Variants in ANK2 observed in about 807,000 individuals in gnomAD.
ANK2 encodes ankyrin 2.
Under a neutral mutation model 360.5 loss-of-function variants are expected in ANK2, and 83 were observed. The ratio of observed to expected loss-of-function variants is 0.23; its 90% CI spans 0.19 to 0.28. ANK2 has a LOEUF of 0.28. Among genes scored for constraint, ANK2 ranks in the 10% least tolerant of loss-of-function variants. The pLI, the probability that ANK2 is intolerant of heterozygous loss-of-function variation, is 1.00. For synonymous variants in ANK2, 1,740 were observed against 1,759.5 expected (o/e 0.99, Z 0.28); for missense variants, 4,201 against 4,795.7 (o/e 0.88, Z 3.66).
chr4:113,235,787 G>T (rs866748564), intron 5 of ANK2, among the ~76,000 whole-genome samples: 38 of 148,878 alleles, frequency 2.6e-4, no homozygotes, highest in African/African-American at 9.2e-4. Flanking sequence ...TGTCACCCAG[G>T]CTGGAGTGCA....
At chr4:113,204,303 T>C (rs1316467878) in intron 4 of ANK2, among the ~76,000 whole-genome samples, 1 of 152,148 alleles carries the variant, frequency 6.6e-6, no homozygotes, top group Non-Finnish European at 1.5e-5. Context: ...CTAGACACCA[T>C]CATCAAACAT....
intron 1 of ANK2, among the ~76,000 whole-genome samples, chr4:113,095,023 G>A (rs1044350008): frequency 6.6e-6 from 1 of 152,222 alleles, no homozygotes; most frequent in African/African-American, 2.4e-5. Context: ...AAAGATAAGA[G>A]CAATTTGCAC....
At chr4:113,203,937 T>C (rs2153425404) in intron 4 of ANK2, among the ~76,000 whole-genome samples, 1 of 152,284 alleles carries the variant, frequency 6.6e-6, no homozygotes, top group Admixed American at 6.5e-5. Flanking sequence ...GTAGAATCCA[T>C]GTAAAAGGTT....
intron 1 of ANK2, among the ~76,000 whole-genome samples, chr4:113,167,890 A>G (rs561043769): frequency 1.9e-4 from 29 of 152,308 alleles, no homozygotes; most frequent in African/African-American, 7.0e-4. Context: ...TTTGCTTAGC[A>G]TTATCTTTGT....
intron 2 of ANK2, among the ~76,000 whole-genome samples, chr4:113,184,770 A>T (rs368621364): frequency 1.3e-5 from 2 of 151,960 alleles, no homozygotes; most frequent in East Asian, 3.9e-4. Context: ...CAGGTTTGTT[A>T]TATAGGTATA....
intron 1 of ANK2, among the ~76,000 whole-genome samples, chr4:113,084,876 T>C (rs1360296708): frequency 1.3e-5 from 2 of 152,226 alleles, no homozygotes. Context: ...CATTTTAGCC[T>C]CTCAATGAGC....
At position 113,277,874 on chromosome 4, in the gene ANK2, G is replaced by C. The variant is rs2060802423; in HGVS notation, c.1721G>C (p.Gly574Ala). 3 of 1,613,940 alleles carry C rather than the reference G, an allele frequency of 1.9e-6. No individual in the cohort carries two copies. Among genetic ancestry groups the C allele is most frequent in the East Asian group, 2.2e-5 (1 of 44,894 alleles). Residue 574 changes from glycine to alanine, a missense_variant, in exon 16 of 46, where the codon GGA (glycine) becomes GCA (alanine). Gly to Ala is a moderately conservative substitution (Grantham distance 60). This residue lies in a region of ANK2 where 1,268 missense variants were observed against 1,650.8 expected (regional missense o/e 0.77). Transcript: ENST00000357077. Reference protein sequence around the residue: ...FTPLHVAAKYGSLDVAKLLLQ... With the variant: ...FTPLHVAAKYASLDVAKLLLQ... Reference sequence around the variant, plus strand: ...CCCCTGCATGTAGCAGCCAAGTATGGAAGCCTGGATGTGGCAAAACTTCTC... The same window carrying C: ...CCCCTGCATGTAGCAGCCAAGTATGCAAGCCTGGATGTGGCAAAACTTCTC...
chr4:112,974,932 TAGAA>T (rs2040858894), intron 2 of ANK2, among the ~76,000 whole-genome samples: 1 of 152,120 alleles, frequency 6.6e-6, no homozygotes, highest in Admixed American at 6.6e-5. Context: ...GAAAATGACA[TAGAA>T]AGGAATTTTT....
upstream of ANK2, among the ~76,000 whole-genome samples, chr4:113,045,472 T>A (rs1263865219): frequency 5.9e-5 from 9 of 152,222 alleles, no homozygotes; most frequent in Admixed American, 5.9e-4. Flanking sequence ...TCTTATTAAC[T>A]TTCTTACTTT....
the ANK2 span, among the ~76,000 whole-genome samples, chr4:112,764,088 G>C: frequency 6.6e-6 from 1 of 151,828 alleles, no homozygotes; most frequent in Admixed American, 6.6e-5. Flanking sequence ...GATTGCAGGG[G>C]CCCGCCACCA....
intron 24 of ANK2, among the ~76,000 whole-genome samples, chr4:113,315,124 C>A (rs2153830063): frequency 6.6e-6 from 1 of 152,324 alleles, no homozygotes; most frequent in East Asian, 1.9e-4. Context: ...AGACAAAAAA[C>A]ACCAACACCT....
chr4:112,853,891 A>G (rs17045059), intron 1 of ANK2, among the ~76,000 whole-genome samples: 45,569 of 152,168 alleles, frequency 0.3, 6,967 homozygotes, highest in East Asian at 0.35. Context: ...TTAAACATAC[A>G]TAAGTGTCAT....
chr4:113,312,610 G>A (rs1403170122), intron 24 of ANK2, among the ~76,000 whole-genome samples: 2 of 152,070 alleles, frequency 1.3e-5, no homozygotes, highest in Non-Finnish European at 2.9e-5. Flanking sequence ...GAAGCCCTGA[G>A]GCTCTAGCTT....
chr4:112,991,523 G>A (rs2046788615), intron 2 of ANK2, among the ~76,000 whole-genome samples: 1 of 150,862 alleles, frequency 6.6e-6, no homozygotes, highest in African/African-American at 2.4e-5. Context: ...AAGTTCATGT[G>A]TTACACACAC....
intron 1 of ANK2, chr4:112,827,270 C>A (rs2058612255): frequency 9.6e-7 from 1 of 1,046,856 alleles, no homozygotes; most frequent in Non-Finnish European, 1.5e-6. Flanking sequence ...TTACTTAAGG[C>A]AGCCAAGAGT....
rs145003051 is a variant in ANK2 at position 113,013,594 on chromosome 4, A to G, written c.21+109080A>G. 2.2e-4 allele frequency among the ~76,000 whole-genome samples: 34 copies of G among 152,330 alleles called. No individual in the cohort carries two copies. The East Asian group carries it at 6.4e-3, about 28-fold the overall frequency. On this transcript the variant is annotated intron_variant, in intron 2 of 30. Coordinates refer to the ANK2 transcript ENST00000503271. Reference sequence around the variant, plus strand: ...CTTTTAACATCTTGTTGCAAACATTACATATATCTATAGTTGCTAAATAAA... The same window carrying G: ...CTTTTAACATCTTGTTGCAAACATTGCATATATCTATAGTTGCTAAATAAA...
chr4:113,223,788 A>G (rs1401366446), intron 4 of ANK2, among the ~76,000 whole-genome samples: 1 of 152,212 alleles, frequency 6.6e-6, no homozygotes, highest in Non-Finnish European at 1.5e-5. Context: ...TAAAACAGCA[A>G]TAAATATTAT....
At chr4:112,931,812 T>G (rs1481777009) in intron 2 of ANK2, among the ~76,000 whole-genome samples, 1 of 152,188 alleles carries the variant, frequency 6.6e-6, no homozygotes, top group Non-Finnish European at 1.5e-5. Context: ...CTAACTATCT[T>G]AATAGGAATT....
intron 4 of ANK2, among the ~76,000 whole-genome samples, chr4:113,219,808 GCT>G (rs570302820): frequency 8.7e-4 from 132 of 152,188 alleles, no homozygotes; most frequent in African/African-American, 3.1e-3. Context: ...CCTGGAAAAT[GCT>G]CCCTTATAAA....
Sources: allele counts gnomAD v4.1 joint callset (sites outside exome capture counted in the v4.1 genomes callset), GRCh38; gene constraint gnomAD v4.1.1; regional missense constraint gnomAD v4.1.1; transcripts MANE v1.5; gene names NCBI Gene and HGNC (gene_info 2026-07-23, HGNC 2026-07-21).